Variants in IGF1 observed in about 807,000 individuals in gnomAD.
IGF1 encodes insulin like growth factor 1.
Under a neutral mutation model 13.8 loss-of-function variants are expected in IGF1, and 4 were observed. That is an observed-to-expected ratio of 0.29 (90% CI 0.14 to 0.66). IGF1 has a LOEUF of 0.66. IGF1 is among the 30% of genes least tolerant of loss of function. The pLI is 0.78. For synonymous variants in IGF1, 76 were observed against 72.6 expected (o/e 1.05, Z -0.23); for missense variants, 124 against 188.5 (o/e 0.66, Z 2.00).
At chr12:102,449,737 T>A (rs1878749583) in intron 2 of IGF1, among the ~76,000 whole-genome samples, 1 of 148,894 alleles carries the variant, frequency 6.7e-6, no homozygotes, top group Non-Finnish European at 1.5e-5. Context: ...TCCTAACCCC[T>A]TCTCTGTGGA....
At chr12:102,473,209 G>T (rs1880796961) in intron 2 of IGF1, among the ~76,000 whole-genome samples, 1 of 152,080 alleles carries the variant, frequency 6.6e-6, no homozygotes, top group African/African-American at 2.4e-5. Flanking sequence ...AAATATTCAA[G>T]AAAAACATAA....
chr12:102,451,559 G>A (rs1878933964), intron 2 of IGF1, among the ~76,000 whole-genome samples: 1 of 152,208 alleles, frequency 6.6e-6, no homozygotes, highest in African/African-American at 2.4e-5. Flanking sequence ...GTGAAAAGAA[G>A]ATGGGAGATC....
chr12:102,448,771 A>G (rs1228531718), intron 2 of IGF1, among the ~76,000 whole-genome samples: 2 of 152,054 alleles, frequency 1.3e-5, no homozygotes, highest in African/African-American at 2.4e-5. Context: ...AAGAAGACGT[A>G]TATGCAGCCA....
intron 2 of IGF1, among the ~76,000 whole-genome samples, chr12:102,420,696 C>T (rs961119447): frequency 2.6e-5 from 4 of 152,200 alleles, no homozygotes; most frequent in African/African-American, 4.8e-5. Context: ...AAACAGTGAA[C>T]GAAATGTCCA....
rs1873398387 is a variant in IGF1, at chr12:102,398,356, G to A, written c.*4151C>T. 6.6e-6 allele frequency: 1 copy of A among 152,412 alleles called. No homozygotes were observed. The highest frequency in any genetic ancestry group is 6.5e-5 in the Admixed American group (1 of 15,270). The allele number at this position is 152,412 out of a possible 1,614,324, so 9.4% of individuals were successfully genotyped here. A position where few individuals can be genotyped will look rare whatever the true frequency, so the allele number is the denominator to read the frequency against. On this transcript the variant is annotated 3_prime_UTR_variant, in exon 4 of 4. Coordinates refer to ENST00000337514, the MANE Select transcript of IGF1 (RefSeq NM_000618.5). ...GGGGATTTGGCAGAAGCTATTTTTT[G>A]CAGGTAAATCTATGTATTTTTTCTC...
chr12:102,419,657 C>T lies in IGF1; in HGVS notation c.254G>A (p.Arg85Lys), dbSNP rs1875512022. The part of the protein sequence containing the change: ...KPTGYGSSSR[R>K]APQTGIVDEC... ...ATCCACGATGCCTGTCTGAGGCGCC[C>T]TCCGACTGCTGGAGCCATACCCTGT... The change falls in exon 3 of 4, where the codon AGG becomes AAG. Residue 85 changes from arginine to lysine, a missense_variant. Transcript: ENST00000337514. 6.2e-7 allele frequency: 1 copy of T among 1,613,146 alleles called. No homozygotes were observed. The highest frequency in any genetic ancestry group is 8.5e-7 in the Non-Finnish European group (1 of 1,180,030).
rs571476810 is a variant in IGF1 at position 102,410,046 on chromosome 12, A to G, written c.403-7480T>C. Reference sequence around the variant, plus strand: ...GTTTTCTAGTGACTGGGGCATCCCTAGGAATCCCCAGGAATCAGAGGACTT... The same window carrying G: ...GTTTTCTAGTGACTGGGGCATCCCTGGGAATCCCCAGGAATCAGAGGACTT... On this transcript the variant is annotated intron_variant, in intron 3 of 3. Transcript: ENST00000337514. Among the ~76,000 whole-genome samples, 6 of 152,206 alleles carry G rather than the reference A, an allele frequency of 3.9e-5. No individual in the cohort carries two copies. In the East Asian group the frequency reaches 9.7e-4, roughly 25 times the overall value.
chr12:102,409,456 T>G (rs1469083012), intron 3 of IGF1, among the ~76,000 whole-genome samples: 1 of 152,226 alleles, frequency 6.6e-6, no homozygotes. Context: ...ATTTAATGGA[T>G]GCGAATTTCC....
intron 2 of IGF1, among the ~76,000 whole-genome samples, chr12:102,473,980 G>T (rs1880851261): frequency 6.6e-6 from 1 of 152,154 alleles, no homozygotes; most frequent in Non-Finnish European, 1.5e-5. Context: ...ACGTAACAGA[G>T]GACACTTCTA....
rs77551963 is a variant in IGF1 at position 102,471,960 on chromosome 12, T to G, written c.220+3683A>C. Among the ~76,000 whole-genome samples, 814 of 152,304 alleles carry G rather than the reference T, an allele frequency of 5.3e-3. 8 individuals are homozygous for G. The highest frequency in any genetic ancestry group is 0.018 in the African/African-American group (751 of 41,558). ...GGTAAGCTTCACTTCTCCTATTTCA[T>G]TTGAAGCTCTTTTTCTCTTGGTGTT... On this transcript the variant is annotated intron_variant, in intron 2 of 3. Transcript: ENST00000337514.
intron 2 of IGF1, among the ~76,000 whole-genome samples, chr12:102,441,952 C>CTTCTTCTTCTTCTTCTTTCTTCTTTCT: frequency 7.1e-6 from 1 of 140,948 alleles, no homozygotes; most frequent in Non-Finnish European, 1.6e-5. Context: ...TCTTCTTCTT[C>CTTCTTCTTCTTCTTCTTTCTTCTTTCT]TTCTTTTTTT....
At chr12:102,424,225 T>G (rs547106183) in intron 2 of IGF1, among the ~76,000 whole-genome samples, 1 of 150,258 alleles carries the variant, frequency 6.7e-6, no homozygotes, top group East Asian at 1.9e-4. Context: ...AGGAAGAGGT[T>G]CCAAAGTTGA....
intron 2 of IGF1, among the ~76,000 whole-genome samples, chr12:102,453,306 A>G (rs964806395): frequency 2.6e-5 from 4 of 152,066 alleles, no homozygotes; most frequent in Non-Finnish European, 4.4e-5. Context: ...AGAGCTTGGC[A>G]TTTGTTTGTT....
At chr12:102,417,930 C>G in intron 3 of IGF1, 1 of 1,613,804 alleles carries the variant, frequency 6.2e-7, no homozygotes, top group South Asian at 1.1e-5. Context: ...CTTCTGTTCC[C>G]CTCCTGGATG....
chr12:102,472,002 G>T (rs567452313), intron 2 of IGF1, among the ~76,000 whole-genome samples: 4 of 152,112 alleles, frequency 2.6e-5, no homozygotes, highest in African/African-American at 9.7e-5. Context: ...GCAAAATGAG[G>T]TTGTAATGAG....
At chr12:102,443,369 A>G (rs1878031567) in intron 2 of IGF1, among the ~76,000 whole-genome samples, 1 of 152,038 alleles carries the variant, frequency 6.6e-6, no homozygotes, top group Admixed American at 6.6e-5. Context: ...GCATGGGTAT[A>G]ATGTTGAACC....
At chr12:102,412,344 TC>T (rs1208002736) in intron 3 of IGF1, among the ~76,000 whole-genome samples, 1 of 151,778 alleles carries the variant, frequency 6.6e-6, no homozygotes, top group Non-Finnish European at 1.5e-5. Context: ...GGAAAATAGT[TC>T]CCCCCAGCTC....
chr12:102,436,624 G>A (rs1018902955), intron 2 of IGF1, among the ~76,000 whole-genome samples: 1 of 151,960 alleles, frequency 6.6e-6, no homozygotes, highest in African/African-American at 2.4e-5. Flanking sequence ...AGGGTGGAAG[G>A]GAATATACCA....
At chr12:102,470,323 C>T (rs963287826) in intron 2 of IGF1, among the ~76,000 whole-genome samples, 2 of 152,202 alleles carry the variant, frequency 1.3e-5, no homozygotes, top group African/African-American at 4.8e-5. Flanking sequence ...TGGTCTTGAA[C>T]CCTTCGCTCT....
Sources: allele counts gnomAD v4.1 joint callset (sites outside exome capture counted in the v4.1 genomes callset), GRCh38; gene constraint gnomAD v4.1.1; transcripts MANE v1.5; gene names NCBI Gene and HGNC (gene_info 2026-07-23, HGNC 2026-07-21).